Variants in PRELID2 observed in about 807,000 individuals in gnomAD.
PRELID2 encodes the protein PRELI domain-containing protein 2.
PRELID2 carries 25 observed loss-of-function variants against 28.4 expected under a neutral mutation model. The observed-to-expected ratio is 0.88, with a 90% CI of 0.64 to 1.23. The LOEUF is 1.23. Among genes scored for constraint, PRELID2 ranks in the 50% most tolerant of loss-of-function variants. The pLI is 0.00. For missense variants in PRELID2, 201 were observed against 214.4 expected (o/e 0.94, Z 0.39); for synonymous variants, 76 against 71.6 (o/e 1.06, Z -0.31).
rs72811526 is a variant in PRELID2 at position 145,539,336 on chromosome 5, G to A, written n.71-66021C>T. On this transcript the variant is annotated intron_variant and non_coding_transcript_variant, in intron 1 of 2. Coordinates refer to the PRELID2 transcript ENST00000510259. ...CAAATGTGTGCAACACGCCATTTAC[G>A]TCAGACACAACCAGGGATTTAAAAA... Among the ~76,000 whole-genome samples the A allele has an allele frequency of 9.8e-3, 1,497 of 152,128 alleles. 20 individuals are homozygous for A. The highest frequency in any genetic ancestry group is 0.013 in the Non-Finnish European group (895 of 67,948).
At chr5:145,446,048 T>G in the PRELID2 span, among the ~76,000 whole-genome samples, 1 of 152,072 alleles carries the variant, frequency 6.6e-6, no homozygotes, top group South Asian at 2.1e-4. Flanking sequence ...GAAAAATAAA[T>G]TCTGACATTC....
chr5:145,333,885 CTTAAAACCCAGGCCCTTGG>C, the PRELID2 span, among the ~76,000 whole-genome samples: 1 of 151,334 alleles, frequency 6.6e-6, no homozygotes, highest in Non-Finnish European at 1.5e-5. Context: ...CAGTTTTGTG[CTTAAAACCCAGGCCCTTGG>C]TTTTGTAGGC....
At chr5:145,419,990 C>T in the PRELID2 span, among the ~76,000 whole-genome samples, 1 of 151,948 alleles carries the variant, frequency 6.6e-6, no homozygotes, top group African/African-American at 2.4e-5. Context: ...AATAGGGAAT[C>T]CTTTCCCCAT....
the PRELID2 span, among the ~76,000 whole-genome samples, chr5:145,421,784 G>T: frequency 7.5e-6 from 1 of 133,372 alleles, no homozygotes; most frequent in Non-Finnish European, 1.6e-5. Flanking sequence ...GCTTTTGAAT[G>T]TGTTTGCTCT....
chr5:145,803,501 T>C (rs1753282277), intron 4 of PRELID2, among the ~76,000 whole-genome samples: 1 of 152,130 alleles, frequency 6.6e-6, no homozygotes, highest in African/African-American at 2.4e-5. Context: ...CATCTTGTTT[T>C]AGCTTGCCTA....
the PRELID2 span, among the ~76,000 whole-genome samples, chr5:145,339,825 A>G: frequency 6.6e-6 from 1 of 152,236 alleles, no homozygotes; most frequent in Middle Eastern, 3.4e-3. Context: ...CCTAGCCTCT[A>G]AAGATCTGTA....
At chr5:145,438,822 G>C in the PRELID2 span, among the ~76,000 whole-genome samples, 1 of 152,050 alleles carries the variant, frequency 6.6e-6, no homozygotes, top group Non-Finnish European at 1.5e-5. Flanking sequence ...CTAGTTCTTT[G>C]TGCACCTTCT....
At chr5:145,446,479 T>C in the PRELID2 span, among the ~76,000 whole-genome samples, 1 of 151,978 alleles carries the variant, frequency 6.6e-6, no homozygotes, top group Non-Finnish European at 1.5e-5. Flanking sequence ...GAAAACAGTA[T>C]GGGGAGTAGT....
chr5:145,397,662 A>G, the PRELID2 span, among the ~76,000 whole-genome samples: 1 of 152,162 alleles, frequency 6.6e-6, no homozygotes, highest in African/African-American at 2.4e-5. Flanking sequence ...AGAAGATAGG[A>G]AAAGAGAGAG....
chr5:145,387,936 C>CAAAAAAAAAAAAAAAAAA, the PRELID2 span, among the ~76,000 whole-genome samples: 1 of 111,048 alleles, frequency 9.0e-6, no homozygotes, highest in African/African-American at 3.3e-5. Context: ...AAGACAGAAC[C>CAAAAAAAAAAAAAAAAAA]AAAAAAAAAA....
chr5:145,680,820 G>A (rs376460629), intron 1 of PRELID2, among the ~76,000 whole-genome samples: 5 of 151,882 alleles, frequency 3.3e-5, no homozygotes, highest in East Asian at 1.9e-4. Context: ...AAAAAAAAGC[G>A]TATAACAAGA....
chr5:145,409,219 GT>G, the PRELID2 span, among the ~76,000 whole-genome samples: 1 of 152,076 alleles, frequency 6.6e-6, no homozygotes, highest in Non-Finnish European at 1.5e-5. Flanking sequence ...GCAAAAAGGA[GT>G]TCAAAACTTT....
At chr5:145,420,604 G>T in the PRELID2 span, among the ~76,000 whole-genome samples, 1 of 126,986 alleles carries the variant, frequency 7.9e-6, no homozygotes, top group Non-Finnish European at 1.7e-5. Context: ...CTTTGCTGAA[G>T]TTGCTTATCA....
At chr5:145,424,806 C>G in the PRELID2 span, among the ~76,000 whole-genome samples, 1 of 152,142 alleles carries the variant, frequency 6.6e-6, no homozygotes, top group African/African-American at 2.4e-5. Context: ...AAACCCAAAA[C>G]TATAAAAACC....
At chr5:145,372,224 G>A in the PRELID2 span, among the ~76,000 whole-genome samples, 1 of 152,072 alleles carries the variant, frequency 6.6e-6, no homozygotes, top group African/African-American at 2.4e-5. Context: ...TTCAGGAGCA[G>A]GTTGTTCAAT....
chr5:145,500,823 CT>C (rs1380304381), intron 1 of PRELID2, among the ~76,000 whole-genome samples: 23 of 152,158 alleles, frequency 1.5e-4, no homozygotes, highest in Non-Finnish European at 3.2e-4. Flanking sequence ...ACTAATTTCA[CT>C]GCTGCTGCTG....
chr5:145,295,414 T>C, the PRELID2 span, among the ~76,000 whole-genome samples: 1 of 152,138 alleles, frequency 6.6e-6, no homozygotes, highest in Non-Finnish European at 1.5e-5. Context: ...ACATAGTTAA[T>C]TGTGAAACCC....
At chr5:145,326,488 T>G in the PRELID2 span, among the ~76,000 whole-genome samples, 1 of 152,320 alleles carries the variant, frequency 6.6e-6, no homozygotes, top group Admixed American at 6.5e-5. Context: ...TACTACCTCA[T>G]TTCAAGAATT....
At chr5:145,498,512 T>C (rs1445700958) in intron 1 of PRELID2, among the ~76,000 whole-genome samples, 2 of 151,860 alleles carry the variant, frequency 1.3e-5, no homozygotes, top group African/African-American at 4.8e-5. Flanking sequence ...TTTTGTTTGT[T>C]TGTTTGCTTT....
Sources: allele counts gnomAD v4.1 joint callset (sites outside exome capture counted in the v4.1 genomes callset), GRCh38; gene constraint gnomAD v4.1.1; transcripts MANE v1.5; gene names NCBI Gene and HGNC (gene_info 2026-07-23, HGNC 2026-07-21).